RELN: variants seen among roughly 807,000 people sequenced by gnomAD.
RELN encodes reelin.
In RELN, 108 loss-of-function variants were observed where a neutral mutation model predicts 427.6. The observed-to-expected ratio is 0.25, with a 90% confidence interval of 0.22 to 0.30. The LOEUF (loss-of-function observed/expected upper bound fraction) is 0.30. Among genes scored for constraint, RELN ranks in the 10% least tolerant of loss-of-function variants. The probability of loss-of-function intolerance (pLI) is 1.00; values close to 1 mark genes in which losing one functional copy is unlikely to be tolerated. For missense variants in RELN, 3,715 were observed against 4,302.8 expected (o/e 0.86, Z 3.82); for synonymous variants, 1,524 against 1,513.4 (o/e 1.01, Z -0.16).
chr7:103,775,319 AC>A (rs577061430), intron 4 of RELN, among the ~76,000 whole-genome samples: 137 of 152,298 alleles, frequency 9.0e-4, no homozygotes, highest in African/African-American at 3.2e-3. Flanking sequence ...ACCCAGGAAT[AC>A]TGATAATATG....
chr7:103,638,074 T>C (rs10260649), intron 17 of RELN, among the ~76,000 whole-genome samples: 1 of 151,700 alleles, frequency 6.6e-6, no homozygotes, highest in African/African-American at 2.4e-5. Flanking sequence ...AAATATTTTT[T>C]AAAAAAAACA....
intron 22 of RELN, among the ~76,000 whole-genome samples, chr7:103,606,168 T>C (rs1438174791): frequency 6.6e-6 from 1 of 152,192 alleles, no homozygotes; most frequent in Non-Finnish European, 1.5e-5. Flanking sequence ...TTAAGATAGA[T>C]TTTAATCTGA....
At chr7:103,725,329 G>A (rs778980967) in intron 7 of RELN, among the ~76,000 whole-genome samples, 1 of 152,212 alleles carries the variant, frequency 6.6e-6, no homozygotes, top group East Asian at 1.9e-4. Flanking sequence ...AAGGCAGTAG[G>A]ACTGCTTGAG....
chr7:103,500,983 G>T (rs772419376), intron 52 of RELN, 61 bp from the exon 53 acceptor site: 1 of 1,449,490 alleles, frequency 6.9e-7, no homozygotes, highest in Non-Finnish European at 9.7e-7. Flanking sequence ...TAGGTCCATT[G>T]TCCTGCATGT....
intron 2 of RELN, among the ~76,000 whole-genome samples, chr7:103,889,376 C>T (rs553457080): frequency 6.6e-6 from 1 of 152,256 alleles, no homozygotes; most frequent in African/African-American, 2.4e-5. Context: ...GGTCAGCCAC[C>T]CTTATTTCTC....
intron 1 of RELN, among the ~76,000 whole-genome samples, chr7:103,983,863 C>G (rs527612852): frequency 8.8e-4 from 130 of 148,560 alleles, no homozygotes; most frequent in African/African-American, 3.1e-3. Flanking sequence ...CTTCATATTT[C>G]TGTGTGTGTG....
chr7:103,980,064 G>C (rs1045879840), intron 1 of RELN, among the ~76,000 whole-genome samples: 4 of 151,932 alleles, frequency 2.6e-5, no homozygotes, highest in Non-Finnish European at 4.4e-5. Flanking sequence ...AGGAGGCTGA[G>C]GCAGGAGACT....
chr7:103,704,342 T>C (rs574223487), intron 8 of RELN, among the ~76,000 whole-genome samples: 1 of 152,310 alleles, frequency 6.6e-6, no homozygotes, highest in South Asian at 2.1e-4. Context: ...CATTTTAATG[T>C]AAAATCCTAT....
At chr7:103,726,732 C>T (rs564348965) in intron 7 of RELN, among the ~76,000 whole-genome samples, 4 of 152,068 alleles carry the variant, frequency 2.6e-5, no homozygotes, top group African/African-American at 7.2e-5. Context: ...GGCATTTAGT[C>T]TAAGCTCAAT....
chr7:103,732,295 CTGG>C (rs1305908945), intron 6 of RELN, among the ~76,000 whole-genome samples: 1 of 152,082 alleles, frequency 6.6e-6, no homozygotes, highest in Non-Finnish European at 1.5e-5. Context: ...GGGCTAGTTT[CTGG>C]AAAGCTCAAA....
rs6950365 is a variant in RELN, at chr7:103,837,898, C to T, written c.338-4226G>A. On this transcript the variant is annotated intron_variant, in intron 2 of 64. Transcript: ENST00000428762. ...GAAATATTTTCTGAATACATAGAAACGGTAAAGACTGTAAAAAAGAAAAGA... is the reference window on the plus strand; with the variant it reads ...GAAATATTTTCTGAATACATAGAAATGGTAAAGACTGTAAAAAAGAAAAGA... Among the ~76,000 whole-genome samples, 865 of 151,982 alleles carry T rather than the reference C, an allele frequency of 5.7e-3. 12 individuals are homozygous for T. Among genetic ancestry groups the T allele is most frequent in the African/African-American group, 0.02 (819 of 41,448 alleles).
In RELN at chr7:103,503,067, G is replaced by A; in HGVS notation, c.8438C>T (p.Thr2813Ile). The change falls in exon 52 of 65, where the codon ACT becomes ATT. Residue 2813 changes from threonine to isoleucine, a missense_variant. Coordinates refer to ENST00000428762, the MANE Select transcript of RELN (RefSeq NM_005045.4). ...GTAGGTGATCCTTTTCCACCCTTTA[G>A]TTGGAAAGAATACAGATGGCTGAGA... The part of the protein sequence containing the change: ...SVSQPSVFFP[T>I]KGWKRITYPL... The A allele has an allele frequency of 6.2e-7, 1 of 1,614,132 alleles. No homozygotes were observed. Among genetic ancestry groups the A allele is most frequent in the Non-Finnish European group, 8.5e-7 (1 of 1,180,026 alleles).
rs139058350 is a variant in RELN at position 103,825,144 on chromosome 7, T to A, written c.473+8393A>T. On this transcript the variant is annotated intron_variant, in intron 3 of 64. Transcript: ENST00000428762. ...TTTTCATATTAATAGTCTTCCAGACTAGCTAATTTTTAATATTAGGTACAT... is the reference window on the plus strand; with the variant it reads ...TTTTCATATTAATAGTCTTCCAGACAAGCTAATTTTTAATATTAGGTACAT... Among the ~76,000 whole-genome samples the A allele has an allele frequency of 2.9e-3, 447 of 152,236 alleles. 3 individuals are homozygous for A. The highest frequency in any genetic ancestry group is 0.01 in the African/African-American group (433 of 41,556).
chr7:103,899,243 A>G (rs753265447), intron 2 of RELN, among the ~76,000 whole-genome samples: 10 of 152,158 alleles, frequency 6.6e-5, no homozygotes, highest in Non-Finnish European at 1.5e-4. Context: ...CTAAACCAGG[A>G]AGAAGTAGAA....
intron 45 of RELN, among the ~76,000 whole-genome samples, chr7:103,536,637 T>C (rs1042380085): frequency 6.6e-6 from 1 of 152,246 alleles, no homozygotes; most frequent in Non-Finnish European, 1.5e-5. Context: ...CCTAACAGCA[T>C]TGGACATTAT....
intron 6 of RELN, among the ~76,000 whole-genome samples, chr7:103,741,123 T>C (rs968702889): frequency 1.3e-5 from 2 of 152,164 alleles, no homozygotes; most frequent in Non-Finnish European, 2.9e-5. Context: ...AAAACTCAAG[T>C]GACAAAACAT....
At position 103,611,717 on chromosome 7, in the gene RELN, A is replaced by G. The variant is rs747512816; in HGVS notation, c.2789T>C (p.Phe930Ser). The G allele has an allele frequency of 3.1e-6, 5 of 1,613,806 alleles. No homozygotes were observed. In the African/African-American group the frequency reaches 5.3e-5, roughly 17 times the overall value. Residue 930 changes from phenylalanine to serine, a missense_variant, in exon 21 of 65, where the codon TTC (phenylalanine) becomes TCC (serine). By Grantham distance (155) the Phe-to-Ser change is radical (BLOSUM62 -2). Around this residue, in one of 4 missense-constraint regions of RELN, gnomAD observed 2,208 missense variants for 2,361.7 expected, o/e 0.93. Transcript: ENST00000428762. ...MQIGASYMIQFSLVMGCGQKY... is the reference protein window; with the variant it reads ...MQIGASYMIQSSLVMGCGQKY... ...CTGGCCACATCCCATCACCAAACTG[A>G]ACTGAATCATATAGGATGCTCCTAT...
intron 3 of RELN, among the ~76,000 whole-genome samples, chr7:103,795,707 G>T (rs67649823): frequency 0.19 from 29,528 of 152,094 alleles, 3,028 homozygotes; most frequent in East Asian, 0.31. Context: ...CATGGAAAAT[G>T]AACATTTTAA....
chr7:103,654,164 T>C lies in RELN; in HGVS notation c.1483A>G (p.Ile495Val), dbSNP rs150850005. The C allele has an allele frequency of 9.7e-5, 156 of 1,611,640 alleles. 2 individuals are homozygous for C. In the Middle Eastern group the frequency reaches 4.5e-3, roughly 46 times the overall value. Residue 495 changes from isoleucine (I) to valine (V), a missense_variant, in exon 13 of 65, where the codon ATC (isoleucine) becomes GTC (valine). By Grantham distance (29) the Ile-to-Val change is conservative. This residue lies in a region of RELN where 2,208 missense variants were observed against 2,361.7 expected (regional missense o/e 0.93). Coordinates refer to ENST00000428762, the MANE Select transcript of RELN (RefSeq NM_005045.4). The stretch of plus-strand genomic sequence containing the variant: ...CTTCCTTCAATTTTTGCATACAGGA[T>C]TATGTCATTTTCATGAGAATTTCCA... Reference protein sequence around the residue: ...DPGNSHENDIILYAKIEGRKE... With the variant: ...DPGNSHENDIVLYAKIEGRKE...
Sources: gnomAD v4.1 joint callset for allele counts (sites outside exome capture counted in the v4.1 genomes callset) on GRCh38, gnomAD v4.1.1 for gene constraint, gnomAD v4.1.1 regional missense constraint, MANE v1.5 for transcripts, NCBI Gene and HGNC (gene_info 2026-07-23, HGNC 2026-07-21) for gene names.